The following TANC1 variants were observed in gnomAD, a reference collection of about 807,000 sequenced individuals.
The protein encoded by TANC1 is tetratricopeptide repeat, ankyrin repeat and coiled-coil containing 1.
Under a neutral mutation model 149.7 loss-of-function variants are expected in TANC1, and 77 were observed. That is an observed-to-expected ratio of 0.51 (90% CI 0.43 to 0.62). TANC1 has a LOEUF of 0.62. Ranked by LOEUF, TANC1 falls within the 20% of genes least tolerant of loss-of-function variation. The pLI, the probability that TANC1 is intolerant of heterozygous loss-of-function variation, is 0.00. For missense variants in TANC1, 1,985 were observed against 2,321.8 expected (o/e 0.85, Z 2.98); for synonymous variants, 854 against 925.0 (o/e 0.92, Z 1.39).
intron 7 of TANC1, among the ~76,000 whole-genome samples, chr2:159,151,837 A>G (rs1158400734): frequency 6.6e-6 from 1 of 152,160 alleles, no homozygotes; most frequent in Non-Finnish European, 1.5e-5. Context: ...TTCATTCTTT[A>G]TTAAGATGAA....
chr2:159,169,369 A>G lies in TANC1; in HGVS notation c.1066A>G (p.Lys356Glu). The G allele has an allele frequency of 6.2e-7, 1 of 1,613,788 alleles. No individual in the cohort carries two copies. Among genetic ancestry groups the G allele is most frequent in the Non-Finnish European group, 8.5e-7 (1 of 1,179,864 alleles). The stretch of plus-strand genomic sequence containing the variant: ...GGCCGGAGGTAGGGCACAGGAAGTT[A>G]AAGGTATTTATCCTGGCATCAGCTG... Reference protein sequence around the residue: ...NTAGGRAQEVKARFAPYKPQD... With the variant: ...NTAGGRAQEVEARFAPYKPQD... The change falls in exon 9 of 27, where the codon AAA becomes GAA. Residue 356 changes from lysine to glutamate, a missense_variant. This residue lies in a region of TANC1 where 557 missense variants were observed against 612.9 expected (regional missense o/e 0.91). Coordinates refer to ENST00000263635, the MANE Select transcript of TANC1 (RefSeq NM_033394.3).
At chr2:158,983,477 A>AAAAAAAAAAAAAAAAC (rs1559098764) in intron 1 of TANC1, among the ~76,000 whole-genome samples, 1 of 151,088 alleles carries the variant, frequency 6.6e-6, no homozygotes, top group African/African-American at 2.4e-5. Flanking sequence ...CCAAAAAAAA[A>AAAAAAAAAAAAAAAAC]AAAAAAAAAA....
intron 4 of TANC1, among the ~76,000 whole-genome samples, chr2:159,129,499 A>T (rs1333031920): frequency 6.6e-6 from 1 of 152,044 alleles, no homozygotes; most frequent in Non-Finnish European, 1.5e-5. Context: ...TTCTGGCCAC[A>T]TCCTTCCAGA....
intron 19 of TANC1, among the ~76,000 whole-genome samples, chr2:159,208,687 G>A (rs1244196399): frequency 2.0e-5 from 3 of 152,246 alleles, no homozygotes; most frequent in Non-Finnish European, 4.4e-5. Context: ...TGCTTCTGCA[G>A]GCCCCATCAT....
At chr2:159,096,293 A>ATT (rs35914993) in intron 3 of TANC1, among the ~76,000 whole-genome samples, 12,417 of 130,590 alleles carry the variant, frequency 0.095, 1,026 homozygotes, top group African/African-American at 0.22. Flanking sequence ...GACTGGCTGT[A>ATT]TTTTTTTTTT....
intron 4 of TANC1, among the ~76,000 whole-genome samples, chr2:159,113,197 A>G (rs936258816): frequency 3.3e-5 from 5 of 152,090 alleles, no homozygotes; most frequent in Admixed American, 6.6e-5. Flanking sequence ...GACTTGAGCA[A>G]TCTTCCCTCC....
chr2:159,097,018 T>C (rs762363619), intron 3 of TANC1, among the ~76,000 whole-genome samples: 4 of 151,896 alleles, frequency 2.6e-5, no homozygotes, highest in Non-Finnish European at 4.4e-5. Flanking sequence ...TGTTTAGGGG[T>C]GGAGTGTCAA....
rs779142844 is a variant in TANC1 at position 159,116,454 on chromosome 2, C to CA, written c.259+18633dup. On this transcript the variant is annotated intron_variant, in intron 4 of 26. Transcript: ENST00000263635. ...AAAACAACAACAACAACAACAACAA[C>CA]AAAAAAAAAAAAACAAAGGACCTGT... 7.1e-3 allele frequency among the ~76,000 whole-genome samples: 993 copies of CA among 140,376 alleles called. 7 individuals carry two copies. Among genetic ancestry groups the CA allele is most frequent in the Middle Eastern group, 0.015 (4 of 264 alleles). The allele number at this position is 140,376 out of a possible 152,430, so 92.1% of individuals were successfully genotyped here. A position where few individuals can be genotyped will look rare whatever the true frequency, so the allele number is the denominator to read the frequency against.
intron 1 of TANC1, among the ~76,000 whole-genome samples, chr2:158,984,266 G>A (rs2034755456): frequency 6.6e-6 from 1 of 152,170 alleles, no homozygotes; most frequent in Admixed American, 6.5e-5. Flanking sequence ...TAAGCCAGGA[G>A]GAATCAAAGG....
At chr2:159,035,693 G>A (rs2040131918) in intron 2 of TANC1, among the ~76,000 whole-genome samples, 2 of 152,120 alleles carry the variant, frequency 1.3e-5, no homozygotes, top group Non-Finnish European at 2.9e-5. Context: ...TCTAAACTCT[G>A]TGATCTCATC....
At chr2:159,097,605 G>C in intron 3 of TANC1, 32 bp from the exon 4 acceptor site, 1 of 1,537,280 alleles carries the variant, frequency 6.5e-7, no homozygotes, top group Non-Finnish European at 9.0e-7. Flanking sequence ...ATGAATGGAT[G>C]GTTTAACCTA....
chr2:159,179,429 GTCCT>G (rs2056235882), intron 14 of TANC1, among the ~76,000 whole-genome samples: 1 of 151,892 alleles, frequency 6.6e-6, no homozygotes, highest in Admixed American at 6.6e-5. Flanking sequence ...TGCCTGTGTG[GTCCT>G]TCCTTACTGT....
intron 2 of TANC1, among the ~76,000 whole-genome samples, chr2:159,025,197 CTT>C (rs1395020303): frequency 7.9e-6 from 1 of 126,050 alleles, no homozygotes; most frequent in Non-Finnish European, 1.6e-5. Context: ...TCTTTTCTTT[CTT>C]TCTTTCTTTC....
At chr2:159,193,036 G>A (rs1323106308) in intron 16 of TANC1, among the ~76,000 whole-genome samples, 2 of 152,222 alleles carry the variant, frequency 1.3e-5, no homozygotes, top group African/African-American at 2.4e-5. Context: ...CTGCAATTCA[G>A]TAGTGTTAAC....
In TANC1 at chr2:159,169,465, G is replaced by T. The variant is rs969978837; in HGVS notation, c.1069+93G>T. On this transcript the variant is annotated intron_variant, in intron 9 of 26. Transcript: ENST00000263635. Reference sequence around the variant, plus strand: ...GATAACCAGCATTGAAGCCAACTGTGTTTATAACATGATGGAAAGTGTGTT... The same window carrying T: ...GATAACCAGCATTGAAGCCAACTGTTTTTATAACATGATGGAAAGTGTGTT... The T allele has an allele frequency of 1.9e-5, 25 of 1,302,408 alleles. No individual in the cohort carries two copies. The South Asian group carries it at 3.3e-4, about 17-fold the overall frequency. 80.7% of individuals were successfully genotyped at this position (1,302,408 alleles called of 1,614,324 possible). A position where few individuals can be genotyped will look rare whatever the true frequency, so the allele number is the denominator to read the frequency against.
intron 20 of TANC1, among the ~76,000 whole-genome samples, chr2:159,218,989 C>G (rs190038215): frequency 1.8e-4 from 28 of 152,226 alleles, no homozygotes; most frequent in Admixed American, 6.5e-4. Flanking sequence ...TACCATTTCT[C>G]TCTGGTATGT....
intron 2 of TANC1, chr2:159,004,024 T>G: frequency 1.9e-6 from 3 of 1,612,322 alleles, no homozygotes; most frequent in Non-Finnish European, 2.5e-6. Flanking sequence ...GTGAACATGA[T>G]TAAAGATGAT....
chr2:159,188,730 C>T (rs2057211875), intron 16 of TANC1, among the ~76,000 whole-genome samples: 1 of 152,232 alleles, frequency 6.6e-6, no homozygotes, highest in Admixed American at 6.5e-5. Flanking sequence ...TGATGCTGCC[C>T]TATGGCCACC....
intron 19 of TANC1, among the ~76,000 whole-genome samples, chr2:159,206,276 G>A (rs2058597924): frequency 6.6e-6 from 1 of 152,180 alleles, no homozygotes; most frequent in African/African-American, 2.4e-5. Flanking sequence ...GGATGTGTAT[G>A]GGGGTCCTCC....
Sources: allele counts gnomAD v4.1 joint callset (sites outside exome capture counted in the v4.1 genomes callset), GRCh38; gene constraint gnomAD v4.1.1; regional missense constraint gnomAD v4.1.1; transcripts MANE v1.5; gene names NCBI Gene and HGNC (gene_info 2026-07-23, HGNC 2026-07-21).